AKT3: variants seen among roughly 807,000 people sequenced by gnomAD.
AKT3 encodes the protein AKT serine/threonine kinase 3, also known as RAC-gamma serine/threonine-protein kinase.
Under a neutral mutation model 65.3 loss-of-function variants are expected in AKT3, and 15 were observed. That is an observed-to-expected ratio of 0.23 (90% CI 0.15 to 0.35). AKT3 has a LOEUF of 0.35. Ranked by LOEUF, AKT3 falls within the 10% of genes least tolerant of loss-of-function variation. The pLI, the probability that AKT3 is intolerant of heterozygous loss-of-function variation, is 1.00. For missense variants in AKT3, 243 were observed against 576.5 expected (o/e 0.42, Z 5.92); for synonymous variants, 206 against 183.8 (o/e 1.12, Z -0.98).
intron 12 of AKT3, among the ~76,000 whole-genome samples, chr1:243,520,109 C>T (rs1670617949): frequency 1.3e-5 from 2 of 152,160 alleles, no homozygotes; most frequent in Non-Finnish European, 1.5e-5. Flanking sequence ...TAAACCCTAA[C>T]CCCAAGTACC....
At chr1:243,798,608 C>G (rs1255209225) in intron 2 of AKT3, among the ~76,000 whole-genome samples, 8 of 151,928 alleles carry the variant, frequency 5.3e-5, no homozygotes, top group Non-Finnish European at 1.2e-4. Context: ...TCTCTGTTAT[C>G]TTTCCATCTC....
In AKT3 at chr1:243,795,478, T is replaced by G. The variant is rs1330402365; in HGVS notation, c.46+47647A>C. On this transcript the variant is annotated intron_variant, in intron 2 of 13. Transcript: ENST00000673466. ...TTTTTTTTTGTTTTTTTTTTTTGGTTTTTTTTTTTTTGAGACGGAGTCTCG... is the reference window on the plus strand; with the variant it reads ...TTTTTTTTTGTTTTTTTTTTTTGGTGTTTTTTTTTTTGAGACGGAGTCTCG... Among the ~76,000 whole-genome samples, 7 of 132,608 alleles carry G rather than the reference T, an allele frequency of 5.3e-5. No homozygotes were observed. The South Asian group carries it at 1.0e-3, about 20-fold the overall frequency. The allele number at this position is 132,608 out of a possible 152,430, so 87.0% of individuals were successfully genotyped here. A position where few individuals can be genotyped will look rare whatever the true frequency, so the allele number is the denominator to read the frequency against.
chr1:243,627,930 C>T (rs990264498), intron 6 of AKT3, among the ~76,000 whole-genome samples: 1 of 152,190 alleles, frequency 6.6e-6, no homozygotes, highest in Non-Finnish European at 1.5e-5. Flanking sequence ...ATCTAAGTTG[C>T]AGTGGCTCAA....
intron 8 of AKT3, among the ~76,000 whole-genome samples, chr1:243,575,175 C>T (rs74153915): frequency 0.01 from 1,529 of 152,242 alleles, 19 homozygotes; most frequent in African/African-American, 0.035. Flanking sequence ...AAGCTTAGGA[C>T]ATCACCTACT....
chr1:243,681,251 A>G (rs1192261723), intron 3 of AKT3, among the ~76,000 whole-genome samples: 1 of 152,178 alleles, frequency 6.6e-6, no homozygotes, highest in Non-Finnish European at 1.5e-5. Flanking sequence ...ATGTACATAT[A>G]TATATGTATG....
chr1:243,727,148 T>C (rs760226321), intron 2 of AKT3, among the ~76,000 whole-genome samples: 23 of 152,190 alleles, frequency 1.5e-4, no homozygotes, highest in Non-Finnish European at 2.8e-4. Flanking sequence ...TGAGGCTGAA[T>C]ACACATTGTG....
At chr1:243,615,706 A>G (rs575575772) in intron 6 of AKT3, among the ~76,000 whole-genome samples, 29 of 152,146 alleles carry the variant, frequency 1.9e-4, no homozygotes, top group African/African-American at 6.0e-4. Flanking sequence ...ATAAAAATAT[A>G]TACCTTTCTG....
At chr1:243,613,614 G>T in intron 8 of AKT3, 57 bp downstream of exon 8, 2 of 1,312,956 alleles carry the variant, frequency 1.5e-6, no homozygotes, top group African/African-American at 1.5e-5. Flanking sequence ...TTTAAGTAAT[G>T]TTTTTAAAAT....
At chr1:243,552,563 T>G (rs1574594101) in intron 11 of AKT3, among the ~76,000 whole-genome samples, 166 bp downstream of exon 11, 1 of 152,266 alleles carries the variant, frequency 6.6e-6, no homozygotes, top group East Asian at 1.9e-4. Flanking sequence ...GAGAAAAATT[T>G]TTAAATGTTC....
intron 3 of AKT3, among the ~76,000 whole-genome samples, chr1:243,681,261 G>A (rs1683900540): frequency 6.6e-6 from 1 of 152,124 alleles, no homozygotes; most frequent in African/African-American, 2.4e-5. Flanking sequence ...ATATATGTAT[G>A]TAAAATACGA....
intron 2 of AKT3, among the ~76,000 whole-genome samples, chr1:243,749,158 C>T (rs1043065302): frequency 6.6e-6 from 1 of 151,942 alleles, no homozygotes; most frequent in African/African-American, 2.4e-5. Flanking sequence ...TTTTCTAATC[C>T]ACTTTTTCTT....
intron 2 of AKT3, chr1:243,794,368 T>C (rs536015917): frequency 6.6e-6 from 1 of 152,306 alleles, no homozygotes; most frequent in East Asian, 1.9e-4. Context: ...CTATACAATG[T>C]GATTAGGTTT....
At chr1:243,524,791 T>C (rs1450227269) in intron 12 of AKT3, among the ~76,000 whole-genome samples, 1 of 152,164 alleles carries the variant, frequency 6.6e-6, no homozygotes, top group Non-Finnish European at 1.5e-5. Flanking sequence ...CTCCTCCATA[T>C]AACTGTAACC....
At chr1:243,686,655 T>TA (rs1684344330) in intron 3 of AKT3, among the ~76,000 whole-genome samples, 1 of 16,292 alleles carries the variant, frequency 6.1e-5, no homozygotes, top group Non-Finnish European at 1.3e-4. Flanking sequence ...ATATATATTT[T>TA]TTTTTTTTTT....
intron 2 of AKT3, among the ~76,000 whole-genome samples, chr1:243,711,168 A>G (rs1686126582): frequency 6.6e-6 from 1 of 152,020 alleles, no homozygotes; most frequent in Non-Finnish European, 1.5e-5. Context: ...AAAATACAAA[A>G]ATTAGCCAGG....
intron 2 of AKT3, among the ~76,000 whole-genome samples, chr1:243,765,963 C>T (rs1220986555): frequency 6.6e-6 from 1 of 152,150 alleles, no homozygotes; most frequent in African/African-American, 2.4e-5. Flanking sequence ...TTAAAGATAT[C>T]AGGTGTCCTC....
intron 6 of AKT3, among the ~76,000 whole-genome samples, chr1:243,623,750 C>T (rs915467748): frequency 3.3e-5 from 5 of 152,152 alleles, no homozygotes; most frequent in African/African-American, 1.2e-4. Flanking sequence ...TACCAGCATC[C>T]CAAGGTCTCC....
At chr1:243,792,660 A>C (rs551868281) in intron 2 of AKT3, among the ~76,000 whole-genome samples, 2 of 152,312 alleles carry the variant, frequency 1.3e-5, no homozygotes, top group Admixed American at 1.3e-4. Flanking sequence ...ATAGGAGCCA[A>C]GGTAAAATCC....
intron 2 of AKT3, among the ~76,000 whole-genome samples, chr1:243,786,827 G>A (rs1310672016): frequency 2.0e-5 from 3 of 152,036 alleles, no homozygotes; most frequent in African/African-American, 7.2e-5. Flanking sequence ...GGGGAGAAGG[G>A]TCAAGAGAGA....
Sources: gnomAD v4.1 joint callset for allele counts (sites outside exome capture counted in the v4.1 genomes callset) on GRCh38, gnomAD v4.1.1 for gene constraint, MANE v1.5 for transcripts, NCBI Gene and HGNC (gene_info 2026-07-23, HGNC 2026-07-21) for gene names.